The following RTTN variants were observed in gnomAD, a reference collection of about 807,000 sequenced individuals.
The protein encoded by RTTN is rotatin.
Under a neutral mutation model 269.2 loss-of-function variants are expected in RTTN, and 182 were observed. The observed-to-expected ratio is 0.68, with a 90% CI of 0.60 to 0.76. RTTN has a LOEUF of 0.76. Ranked by LOEUF, RTTN falls within the 30% of genes least tolerant of loss-of-function variation. The pLI, the probability that RTTN is intolerant of heterozygous loss-of-function variation, is 0.00. For synonymous variants in RTTN, 1,006 were observed against 963.5 expected, an observed-to-expected ratio of 1.04 and a Z score of -0.82; for missense variants, 2,545 against 2,608.6, an observed-to-expected ratio of 0.98 and a Z score of 0.53.
intron 44 of RTTN, among the ~76,000 whole-genome samples, chr18:70,023,995 C>T (rs993207700): frequency 7.9e-5 from 12 of 152,134 alleles, no homozygotes; most frequent in Non-Finnish European, 1.2e-4. Context: ...GTTTGCCAGG[C>T]TAGTCTCAAA....
Position 70,145,602 on chromosome 18 carries a change from T to G in RTTN, c.2481+10A>C. 1 of 1,571,544 alleles carries G rather than the reference T, an allele frequency of 6.4e-7. No homozygotes were observed. Among genetic ancestry groups the G allele is most frequent in the South Asian group, 1.2e-5 (1 of 83,696 alleles). On this transcript the variant is annotated intron_variant, in intron 18 of 48. Coordinates refer to ENST00000640769, the MANE Select transcript of RTTN (RefSeq NM_173630.4). ...TACCACACAGTAATAAACTCAAAAT[T>G]TATAGTCACCTTAATAACCAGCTCT...
chr18:70,018,083 C>T (rs1568245766), intron 45 of RTTN, among the ~76,000 whole-genome samples: 1 of 152,158 alleles, frequency 6.6e-6, no homozygotes, highest in Non-Finnish European at 1.5e-5. Context: ...TAGTTAACAA[C>T]TCTGGAAGTA....
chr18:70,132,783 T>C (rs907318655), intron 23 of RTTN, among the ~76,000 whole-genome samples: 2 of 152,014 alleles, frequency 1.3e-5, no homozygotes, highest in Admixed American at 1.3e-4. Context: ...CAAAGAGTAA[T>C]ACATCAGGAC....
At chr18:70,058,245 G>A (rs1006365775) in intron 36 of RTTN, among the ~76,000 whole-genome samples, 10 of 152,162 alleles carry the variant, frequency 6.6e-5, no homozygotes, top group Non-Finnish European at 1.2e-4. Context: ...GGCCGGGTGC[G>A]GTGGCTCACG....
In RTTN at chr18:70,047,881, T is replaced by C. The variant is rs1374157866; in HGVS notation, c.5541+90A>G. 3 of 971,094 alleles carry C rather than the reference T, an allele frequency of 3.1e-6. No individual in the cohort carries two copies. In the Admixed American group the frequency reaches 6.8e-5, roughly 22 times the overall value. The allele number at this position is 971,094 out of a possible 1,614,324, so 60.2% of individuals were successfully genotyped here. A position where few individuals can be genotyped will look rare whatever the true frequency, so the allele number is the denominator to read the frequency against. On this transcript the variant is annotated intron_variant, in intron 40 of 48. Coordinates refer to ENST00000640769, the MANE Select transcript of RTTN (RefSeq NM_173630.4). Reference sequence around the variant, plus strand: ...AAGCATTACTATTTCTTAATTTAAATGACTGAGACAGTTTTTAACAAGACC... The same window carrying C: ...AAGCATTACTATTTCTTAATTTAAACGACTGAGACAGTTTTTAACAAGACC...
chr18:70,144,929 G>C (rs1362496347), intron 18 of RTTN, among the ~76,000 whole-genome samples: 1 of 152,208 alleles, frequency 6.6e-6, no homozygotes, highest in Non-Finnish European at 1.5e-5. Context: ...CATGAAAACA[G>C]TGGACTAGTG....
chr18:70,010,426 A>G (rs1344915772), intron 46 of RTTN, among the ~76,000 whole-genome samples: 3 of 152,242 alleles, frequency 2.0e-5, no homozygotes, highest in African/African-American at 7.2e-5. Flanking sequence ...ACTCAGGATT[A>G]AGAAACTCAC....
Position 70,010,814 on chromosome 18 carries a change from A to C in RTTN, c.6422-4330T>G, listed in dbSNP as rs534625905. ...GAATCCCGGAGCTGGTTTTTGGAAA[A>C]GATTAACAAAATAGATAGACCACTA... On this transcript the variant is annotated intron_variant, in intron 46 of 48. Transcript: ENST00000640769. Among the ~76,000 whole-genome samples, 14 of 152,318 alleles carry C rather than the reference A, an allele frequency of 9.2e-5. No individual in the cohort carries two copies. The East Asian group carries it at 2.5e-3, about 27-fold the overall frequency.
intron 10 of RTTN, among the ~76,000 whole-genome samples, chr18:70,178,700 AG>A (rs2061356948): frequency 6.6e-6 from 1 of 152,072 alleles, no homozygotes; most frequent in South Asian, 2.1e-4. Flanking sequence ...AAGTAAAAAA[AG>A]AAAATAAAAT....
intron 34 of RTTN, among the ~76,000 whole-genome samples, chr18:70,069,217 A>G (rs1295554087): frequency 6.6e-6 from 1 of 152,178 alleles, no homozygotes; most frequent in African/African-American, 2.4e-5. Flanking sequence ...ACAAAAAAAA[A>G]AGGTTGACTC....
rs962880365 is a variant in RTTN at position 70,110,052 on chromosome 18, T to C, written c.3684-335A>G. Reference sequence around the variant, plus strand: ...CAGTGAGACCTCATTTCTAAAAAAATGAAATAAAATAAAATTAAAGTAAAA... The same window carrying C: ...CAGTGAGACCTCATTTCTAAAAAAACGAAATAAAATAAAATTAAAGTAAAA... On this transcript the variant is annotated intron_variant, in intron 27 of 48. Transcript: ENST00000640769. 2.0e-5 allele frequency among the ~76,000 whole-genome samples: 3 copies of C among 151,604 alleles called. No homozygotes were observed. In the East Asian group the frequency reaches 5.8e-4, roughly 30 times the overall value.
intron 10 of RTTN, among the ~76,000 whole-genome samples, chr18:70,185,836 C>T (rs865930347): frequency 3.9e-5 from 6 of 151,960 alleles, no homozygotes; most frequent in South Asian, 2.1e-4. Context: ...ACCAAATAGA[C>T]GATCAATACA....
chr18:70,134,279 G>GT (rs1474014980), intron 23 of RTTN, among the ~76,000 whole-genome samples, 194 bp downstream of exon 23: 1 of 152,014 alleles, frequency 6.6e-6, no homozygotes, highest in East Asian at 1.9e-4. Flanking sequence ...AATTTGAACG[G>GT]TATCAAAATA....
In RTTN at chr18:70,199,401, T is replaced by C; in HGVS notation, c.578+13A>G. 6.4e-7 allele frequency: 1 copy of C among 1,564,558 alleles called. No homozygotes were observed. The highest frequency in any genetic ancestry group is 8.8e-7 in the Non-Finnish European group (1 of 1,135,980). ...GTGAACAAAAATACCTGAAAATACA[T>C]CAAGCACCGTACCTTTCATTAGAGG... On this transcript the variant is annotated intron_variant, in intron 5 of 48. Coordinates refer to ENST00000640769, the MANE Select transcript of RTTN (RefSeq NM_173630.4).
intron 26 of RTTN, 37 bp from the exon 27 acceptor site, chr18:70,114,636 T>C (rs774887036): frequency 6.3e-7 from 1 of 1,587,918 alleles, no homozygotes; most frequent in South Asian, 1.1e-5. Flanking sequence ...TATTTACTAA[T>C]TGAACTATAT....
intron 47 of RTTN, chr18:70,006,105 A>T (rs1051070990): frequency 1.3e-5 from 4 of 302,638 alleles, no homozygotes; most frequent in Non-Finnish European, 2.4e-5. Flanking sequence ...CTATACTAAA[A>T]TTGCAATAAT....
intron 35 of RTTN, among the ~76,000 whole-genome samples, chr18:70,064,952 TA>T (rs2058092245): frequency 6.6e-6 from 1 of 152,202 alleles, no homozygotes; most frequent in Admixed American, 6.5e-5. Flanking sequence ...CTGAGCCATT[TA>T]AATAATCTGA....
chr18:70,114,903 T>C (rs980489229), intron 26 of RTTN, among the ~76,000 whole-genome samples: 2 of 152,086 alleles, frequency 1.3e-5, no homozygotes, highest in African/African-American at 4.8e-5. Context: ...TTTTTGTTTC[T>C]GAGAATATAA....
At chr18:70,017,183 C>T (rs1386198834) in intron 46 of RTTN, among the ~76,000 whole-genome samples, 1 of 152,058 alleles carries the variant, frequency 6.6e-6, no homozygotes, top group Non-Finnish European at 1.5e-5. Flanking sequence ...TCCAGGTGTC[C>T]AGTATGTGCA....
Sources: allele counts gnomAD v4.1 joint callset (sites outside exome capture counted in the v4.1 genomes callset), GRCh38; gene constraint gnomAD v4.1.1; transcripts MANE v1.5; gene names NCBI Gene and HGNC (gene_info 2026-07-23, HGNC 2026-07-21).